Variants in TM7SF2 observed in about 807,000 individuals in gnomAD.
TM7SF2 encodes transmembrane 7 superfamily member 2, also known as delta(14)-sterol reductase TM7SF2.
A neutral mutation model predicts 51.0 loss-of-function variants in TM7SF2; 51 were observed. That is an observed-to-expected ratio of 1.00 (90% CI 0.80 to 1.26). The LOEUF (loss-of-function observed/expected upper bound fraction) is 1.26. Among genes scored for constraint, TM7SF2 ranks in the 50% most tolerant of loss-of-function variants. TM7SF2 has a pLI of 0.00. For missense variants in TM7SF2, 541 were observed against 547.4 expected, an observed-to-expected ratio of 0.99 and a Z score of 0.12; for synonymous variants, 255 against 241.0, an observed-to-expected ratio of 1.06 and a Z score of -0.54.
chr11:65,113,521 G>T lies in TM7SF2; in HGVS notation c.530G>T (p.Arg177Leu). The change falls in exon 5 of 10, where the codon CGA (arginine) becomes CTA (leucine). Residue 177 changes from arginine (R) to leucine (L), a missense_variant. By Grantham distance (102) the Arg-to-Leu change is moderately radical (BLOSUM62 -2). Coordinates refer to ENST00000279263, the MANE Select transcript of TM7SF2 (RefSeq NM_003273.6). ...GNPIYDFFLG[R>L]ELNPRICFFD... ...CCGATTTACGACTTTTTTCTGGGACGAGAGCTCAACCCTCGTATCTGTTTC... is the reference window on the plus strand; with the variant it reads ...CCGATTTACGACTTTTTTCTGGGACTAGAGCTCAACCCTCGTATCTGTTTC... 4 of 1,614,160 alleles carry T rather than the reference G, an allele frequency of 2.5e-6. No individual in the cohort carries two copies. The highest frequency in any genetic ancestry group is 3.4e-6 in the Non-Finnish European group (4 of 1,180,018).
intron 6 of TM7SF2, 24 bp downstream of exon 6, chr11:65,114,856 G>T: frequency 6.2e-7 from 1 of 1,614,206 alleles, no homozygotes; most frequent in South Asian, 1.1e-5. Flanking sequence ...GGACGAGGGT[G>T]GGTGTCTGAG....
chr11:65,114,867 G>A, intron 6 of TM7SF2, 35 bp downstream of exon 6: 1 of 1,614,196 alleles, frequency 6.2e-7, no homozygotes, highest in South Asian at 1.1e-5. Context: ...GGTGTCTGAG[G>A]GCCGCATAGG....
chr11:65,113,799 G>A, intron 5 of TM7SF2: 2 of 599,414 alleles, frequency 3.3e-6, no homozygotes, highest in South Asian at 4.0e-5. Flanking sequence ...GCTGCAGAGA[G>A]CCTACATTCT....
chr11:65,112,508 C>T lies in TM7SF2; in HGVS notation c.53-7C>T. 2 of 1,509,608 alleles carry T rather than the reference C, an allele frequency of 1.3e-6. No individual in the cohort carries two copies. Among genetic ancestry groups the T allele is most frequent in the South Asian group, 2.4e-5 (2 of 81,636 alleles). The allele number at this position is 1,509,608 out of a possible 1,614,324, so 93.5% of individuals were successfully genotyped here. On this transcript the variant is annotated splice_region_variant and splice_polypyrimidine_tract_variant and intron_variant, in intron 1 of 9. Transcript: ENST00000279263. ...GCGGACGCCCGACGTGATGGCCCTT[C>T]CCGCAGGCGCCGCGGCTCTGCTACT...
chr11:65,114,029 C>G (rs967027245), intron 5 of TM7SF2, among the ~76,000 whole-genome samples: 3 of 152,120 alleles, frequency 2.0e-5, no homozygotes, highest in Admixed American at 6.5e-5. Flanking sequence ...CAACTGTGAT[C>G]TCTGGTTCTG....
At chr11:65,115,115 C>T (rs1947960305) in intron 7 of TM7SF2, 34 bp downstream of exon 7, 1 of 1,607,696 alleles carries the variant, frequency 6.2e-7, no homozygotes. Flanking sequence ...CTGGGCCCAT[C>T]TTCCCCCTAT....
intron 1 of TM7SF2, 89 bp from the exon 2 acceptor site, chr11:65,112,426 G>A (rs1947917149): frequency 7.4e-7 from 1 of 1,352,808 alleles, no homozygotes; most frequent in Non-Finnish European, 9.7e-7. Context: ...TGCCGAGAGG[G>A]TCCCGCAGAG....
chr11:65,112,306 G>A, intron 1 of TM7SF2: 2 of 671,436 alleles, frequency 3.0e-6, no homozygotes, highest in Non-Finnish European at 4.8e-6. Context: ...GGGTCTTCGA[G>A]GGGCCTGGGG....
chr11:65,112,319 G>A, intron 1 of TM7SF2, 196 bp from the exon 2 acceptor site: 2 of 692,410 alleles, frequency 2.9e-6, no homozygotes, highest in Non-Finnish European at 2.3e-6. Flanking sequence ...GCCTGGGGGC[G>A]GGGGACTAAG....
At position 65,114,274 on chromosome 11, in the gene TM7SF2, A is replaced by G. The variant is rs145559843; in HGVS notation, c.604-439A>G. 2.9e-3 allele frequency among the ~76,000 whole-genome samples: 435 copies of G among 150,966 alleles called. 2 individuals carry two copies. Among genetic ancestry groups the G allele is most frequent in the African/African-American group, 0.01 (416 of 41,188 alleles). ...TTATGATAGAACAGAGCTCAGTGTC[A>G]AATGCAGGCGCCCAGCACAGGCTTG... On this transcript the variant is annotated intron_variant, in intron 5 of 9. Transcript: ENST00000279263.
intron 1 of TM7SF2, chr11:65,112,304 G>C: frequency 1.5e-6 from 1 of 675,012 alleles, no homozygotes; most frequent in East Asian, 3.1e-5. Context: ...GAGGGTCTTC[G>C]AGGGGCCTGG....
rs1388897174 is a variant in TM7SF2, at chr11:65,113,356, T to C, written c.441T>C (p.Phe147=). Residue 147 remains phenylalanine (F), a synonymous_variant, in exon 4 of 10, where the codon TTT becomes TTC. Coordinates refer to ENST00000279263, the MANE Select transcript of TM7SF2 (RefSeq NM_003273.6). The stretch of plus-strand genomic sequence containing the variant: ...TCACCGCTTTCATCTTCAGCCTCTT[T>C]CTCTACATGAAGGCGCAGGTAGCCC... The part of the protein sequence containing the change: ...ATLTAFIFSL[F]LYMKAQVAPV... The C allele has an allele frequency of 1.2e-6, 2 of 1,614,024 alleles. No individual in the cohort carries two copies. The highest frequency in any genetic ancestry group is 1.1e-5 in the South Asian group (1 of 91,072).
chr11:65,113,018 C>A lies in TM7SF2; in HGVS notation c.304+153C>A. ...CAGACGCCGGGGGCTCTCCCTATGC[C>A]CCTCGTCCCCACAGCCTTACCCCAT... is the stretch of plus-strand genomic sequence containing the variant. On this transcript the variant is annotated intron_variant, in intron 3 of 9. Coordinates refer to ENST00000279263, the MANE Select transcript of TM7SF2 (RefSeq NM_003273.6). The A allele has an allele frequency of 3.7e-6, 4 of 1,083,560 alleles. No homozygotes were observed. The South Asian group carries it at 4.8e-5, about 13-fold the overall frequency. 67.1% of individuals were successfully genotyped at this position (1,083,560 alleles called of 1,614,324 possible).
intron 2 of TM7SF2, 32 bp from the exon 3 acceptor site, chr11:65,112,779 C>T (rs2137200806): frequency 1.9e-6 from 3 of 1,550,004 alleles, no homozygotes; most frequent in Non-Finnish European, 2.6e-6. Flanking sequence ...AAGGACGCCC[C>T]GGGCCTTATC....
At chr11:65,112,255 T>C in intron 1 of TM7SF2, 188 bp downstream of exon 1, 6 of 673,744 alleles carry the variant, frequency 8.9e-6, no homozygotes, top group Non-Finnish European at 1.5e-5. Context: ...TTCTGGGGGC[T>C]GCAGAACGGG....
intron 2 of TM7SF2, 21 bp from the exon 3 acceptor site, chr11:65,112,790 A>G: frequency 6.5e-7 from 1 of 1,550,210 alleles, no homozygotes; most frequent in Non-Finnish European, 8.7e-7. Flanking sequence ...GGGCCTTATC[A>G]GAGCCCCCTT....
Position 65,116,031 on chromosome 11 carries a change from G to A in TM7SF2, c.1235G>A (p.Arg412His), listed in dbSNP as rs370698238. Reference protein sequence around the residue: ...WQEYCRRVPYRIMPYIY With the variant: ...WQEYCRRVPYHIMPYIY Reference sequence around the variant, plus strand: ...GAGTACTGCCGGCGTGTGCCTTACCGCATCATGCCCTACATCTACTGAAGC... The same window carrying A: ...GAGTACTGCCGGCGTGTGCCTTACCACATCATGCCCTACATCTACTGAAGC... The change falls in exon 10 of 10, where the codon CGC (arginine) becomes CAC (histidine). Residue 412 changes from arginine (R) to histidine (H), a missense_variant. Coordinates refer to ENST00000279263, the MANE Select transcript of TM7SF2 (RefSeq NM_003273.6). The A allele has an allele frequency of 3.2e-5, 51 of 1,609,278 alleles. No homozygotes were observed. Among genetic ancestry groups the A allele is most frequent in the Non-Finnish European group, 4.1e-5 (48 of 1,179,818 alleles).
rs1310569203 is a variant in TM7SF2 at position 65,114,626 on chromosome 11, T to C, written c.604-87T>C. 4 of 1,485,150 alleles carry C rather than the reference T, an allele frequency of 2.7e-6. No homozygotes were observed. In the African/African-American group the frequency reaches 4.5e-5, roughly 17 times the overall value. The allele number at this position is 1,485,150 out of a possible 1,614,324, so 92.0% of individuals were successfully genotyped here. On this transcript the variant is annotated intron_variant, in intron 5 of 9. Coordinates refer to ENST00000279263, the MANE Select transcript of TM7SF2 (RefSeq NM_003273.6). ...ATCCACTTAAGAGCTGGAGTGTAAC[T>C]GACAGTTGAGAAGGGCAGAGGCTGG...
Position 65,115,081 on chromosome 11 carries a change from G to A in TM7SF2, c.892G>A (p.Ala298Thr), listed in dbSNP as rs1565324609. 3.1e-6 allele frequency: 5 copies of A among 1,613,046 alleles called. No homozygotes were observed. Among genetic ancestry groups the A allele is most frequent in the Non-Finnish European group, 4.2e-6 (5 of 1,179,608 alleles). Reference sequence around the variant, plus strand: ...GGCCTCTGTCATCTGCCTCATCAATGGTCAGTCAGGAAGGGGCAGCAGGCT... The same window carrying A: ...GGCCTCTGTCATCTGCCTCATCAATAGTCAGTCAGGAAGGGGCAGCAGGCT... ...PMASVICLIN[A>T]TGYYIFRGAN... Residue 298 changes from alanine (A) to threonine (T), a missense_variant and splice_region_variant, in exon 7 of 10, where the codon GCT becomes ACT. Ala to Thr is a moderately conservative substitution (Grantham distance 58). Coordinates refer to ENST00000279263, the MANE Select transcript of TM7SF2 (RefSeq NM_003273.6).
Sources: allele counts gnomAD v4.1 joint callset (sites outside exome capture counted in the v4.1 genomes callset), GRCh38; gene constraint gnomAD v4.1.1; transcripts MANE v1.5; gene names NCBI Gene and HGNC (gene_info 2026-07-23, HGNC 2026-07-21).